ZNF329: variants seen among roughly 807,000 people sequenced by gnomAD.
ZNF329 encodes zinc finger protein 329.
In ZNF329, 15 loss-of-function variants were observed where a neutral mutation model predicts 26.6. The observed-to-expected ratio is 0.56, with a 90% CI of 0.38 to 0.87. The LOEUF (loss-of-function observed/expected upper bound fraction) is 0.87, where lower values mean the gene tolerates loss of function less well. ZNF329 is among the 40% of genes least tolerant of loss of function. ZNF329 has a pLI of 0.00. For missense variants in ZNF329, 651 were observed against 651.9 expected (o/e 1.00, Z 0.02); for synonymous variants, 239 against 233.5 (o/e 1.02, Z -0.21).
chr19:58,140,989 G>A (rs2075172829), intron 3 of ZNF329, among the ~76,000 whole-genome samples: 1 of 150,886 alleles, frequency 6.6e-6, no homozygotes, highest in Non-Finnish European at 1.5e-5. Context: ...TCTTGCCTTG[G>A]CCTCTTAAGT....
chr19:58,143,437 TGAA>T (rs1415826597), intron 1 of ZNF329, among the ~76,000 whole-genome samples: 2 of 152,184 alleles, frequency 1.3e-5, no homozygotes, highest in East Asian at 3.9e-4. Flanking sequence ...AAATTCACAC[TGAA>T]GAAGACAGCT....
At chr19:58,141,377 C>A (rs762838149) in intron 3 of ZNF329, among the ~76,000 whole-genome samples, 5 of 152,026 alleles carry the variant, frequency 3.3e-5, no homozygotes, top group Non-Finnish European at 7.4e-5. Context: ...CAGCTCACTG[C>A]AACCTCCTCC....
At chr19:58,148,628 G>C (rs776572217) in intron 1 of ZNF329, among the ~76,000 whole-genome samples, 1 of 152,074 alleles carries the variant, frequency 6.6e-6, no homozygotes, top group African/African-American at 2.4e-5. Flanking sequence ...CAAGGCAGGA[G>C]GACTGCTTAA....
chr19:58,143,409 T>C (rs559576088), intron 1 of ZNF329, among the ~76,000 whole-genome samples: 1 of 152,274 alleles, frequency 6.6e-6, no homozygotes, highest in South Asian at 2.1e-4. Flanking sequence ...TCTGGAATAA[T>C]TTTACTGATG....
intron 3 of ZNF329, among the ~76,000 whole-genome samples, chr19:58,129,818 C>A (rs1000072658): frequency 6.6e-6 from 1 of 152,178 alleles, no homozygotes; most frequent in Non-Finnish European, 1.5e-5. Context: ...CCCTGCTCCC[C>A]CTAGAATTCC....
chr19:58,140,680 G>A (rs532960977), intron 3 of ZNF329, among the ~76,000 whole-genome samples: 1 of 151,774 alleles, frequency 6.6e-6, no homozygotes. Flanking sequence ...CTCCCAAAGC[G>A]CTGGGATTAC....
At chr19:58,148,920 G>A (rs994163214) in intron 1 of ZNF329, among the ~76,000 whole-genome samples, 23 of 152,158 alleles carry the variant, frequency 1.5e-4, no homozygotes, top group Admixed American at 6.6e-5. Flanking sequence ...TTGAACCAAA[G>A]CAAACCTCCA....
upstream of ZNF329, chr19:58,154,627 C>T (rs2075512547): frequency 6.6e-6 from 1 of 152,416 alleles, no homozygotes; most frequent in Non-Finnish European, 1.5e-5. Context: ...ATAAGCAGCC[C>T]CTTCCTCGTC....
At chr19:58,143,618 A>G (rs996514199) in intron 1 of ZNF329, among the ~76,000 whole-genome samples, 4 of 152,198 alleles carry the variant, frequency 2.6e-5, no homozygotes, top group Admixed American at 2.6e-4. Context: ...GAGGCATTTA[A>G]TAATTTAAAA....
At chr19:58,131,416 C>T (rs571773146) in intron 3 of ZNF329, among the ~76,000 whole-genome samples, 1 of 151,698 alleles carries the variant, frequency 6.6e-6, no homozygotes, top group African/African-American at 2.4e-5. Context: ...GTCTTAAAAA[C>T]AAAAAACAAA....
intron 1 of ZNF329, among the ~76,000 whole-genome samples, chr19:58,143,988 G>C (rs2075243264): frequency 6.6e-6 from 1 of 151,710 alleles, no homozygotes. Flanking sequence ...GGCTGAGGGA[G>C]AAGAATTGCT....
Position 58,149,308 on chromosome 19 carries a change from A to G in ZNF329, c.-208+1444T>C, listed in dbSNP as rs567314377. Among the ~76,000 whole-genome samples the G allele has an allele frequency of 8.9e-4, 136 of 152,210 alleles. 1 individual carries two copies. The highest frequency in any genetic ancestry group is 3.1e-3 in the African/African-American group (129 of 41,516). ...GGGCTGCTCTATCTATGGAGTAGCCATTTTTTTATTCCTTTACTTTCTTAA... is the reference window on the plus strand; with the variant it reads ...GGGCTGCTCTATCTATGGAGTAGCCGTTTTTTTATTCCTTTACTTTCTTAA... On this transcript the variant is annotated intron_variant, in intron 1 of 3. Coordinates refer to ENST00000598312, the MANE Select transcript of ZNF329 (RefSeq NM_024620.4).
At chr19:58,149,342 C>T (rs1190794480) in intron 1 of ZNF329, among the ~76,000 whole-genome samples, 1 of 152,094 alleles carries the variant, frequency 6.6e-6, no homozygotes, top group Non-Finnish European at 1.5e-5. Context: ...AATAAGCTTG[C>T]TTTCACTTTA....
At position 58,142,828 on chromosome 19, in the gene ZNF329, A is replaced by C. The variant is rs295345; in HGVS notation, c.-113-167T>G. 0.17 allele frequency among the ~76,000 whole-genome samples: 25,242 copies of C among 152,172 alleles called. 2,112 individuals are homozygous for C. The highest frequency in any genetic ancestry group is 0.2 in the African/African-American group (8,363 of 41,498). ...TGGTTGCTGACAGCTTTCAAGCCCCAACCCCTTTCTCCTTCTCCCTCTCAT... is the reference window on the plus strand; with the variant it reads ...TGGTTGCTGACAGCTTTCAAGCCCCCACCCCTTTCTCCTTCTCCCTCTCAT... On this transcript the variant is annotated intron_variant, in intron 2 of 3. Transcript: ENST00000598312.
chr19:58,129,353 C>A lies in ZNF329; in HGVS notation c.151G>T (p.Ala51Ser). Reference protein sequence around the residue: ...ENQEGHLRQSALTLEKPGTQE... With the variant: ...ENQEGHLRQSSLTLEKPGTQE... Reference sequence around the variant, plus strand: ...GTCCCTGGTTTCTCCAGAGTTAAAGCTGATTGCCTCAAGTGTCCCTCCTGG... The same window carrying A: ...GTCCCTGGTTTCTCCAGAGTTAAAGATGATTGCCTCAAGTGTCCCTCCTGG... Residue 51 changes from alanine to serine, a missense_variant, in exon 4 of 4, where the codon GCT becomes TCT. Coordinates refer to ENST00000598312, the MANE Select transcript of ZNF329 (RefSeq NM_024620.4). 1 of 1,614,234 alleles carries A rather than the reference C, an allele frequency of 6.2e-7. No homozygotes were observed. The highest frequency in any genetic ancestry group is 8.5e-7 in the Non-Finnish European group (1 of 1,180,044).
rs772055665 is a variant in ZNF329, at chr19:58,127,893, T to C, written c.1611A>G (p.Gln537=). Residue 537 remains glutamine, a synonymous_variant, in exon 4 of 4, where the codon CAA becomes CAG. Transcript: ENST00000598312. The part of the protein sequence containing the change: ...VRHQRAHLGE[Q]PMET The stretch of plus-strand genomic sequence containing the variant: ...CCCCCAACCATTATGTTTCCATGGG[T>C]TGCTCTCCCAGGTGTGCTCTTTGAT... 1 of 1,591,650 alleles carries C rather than the reference T, an allele frequency of 6.3e-7. No individual in the cohort carries two copies. The highest frequency in any genetic ancestry group is 8.6e-7 in the Non-Finnish European group (1 of 1,168,086).
chr19:58,141,646 C>T (rs2075191282), intron 3 of ZNF329, among the ~76,000 whole-genome samples: 1 of 152,004 alleles, frequency 6.6e-6, no homozygotes, highest in African/African-American at 2.4e-5. Context: ...AATCCCAGCA[C>T]TTTGGGTGGC....
intron 1 of ZNF329, among the ~76,000 whole-genome samples, chr19:58,145,843 G>A (rs541799353): frequency 9.2e-5 from 14 of 152,094 alleles, no homozygotes; most frequent in African/African-American, 3.4e-4. Context: ...AGCCTCACAT[G>A]CTTCCTGACA....
chr19:58,132,809 TTTTTC>T (rs151314346), intron 3 of ZNF329: 106,558 of 151,130 alleles, frequency 0.71, 39,676 homozygotes, highest in Non-Finnish European at 0.84. Context: ...ATAGATGGTC[TTTTTC>T]TTTTTTCTTT....
Sources: allele counts gnomAD v4.1 joint callset (sites outside exome capture counted in the v4.1 genomes callset), GRCh38; gene constraint gnomAD v4.1.1; transcripts MANE v1.5; gene names NCBI Gene and HGNC (gene_info 2026-07-23, HGNC 2026-07-21).